Variants in GAB4 observed in about 807,000 individuals in gnomAD.
GAB4 encodes GRB2 associated binding protein family member 4.
A neutral mutation model predicts 51.3 loss-of-function variants in GAB4; 26 were observed. The ratio of observed to expected loss-of-function variants is 0.51; its 90% CI spans 0.37 to 0.70. GAB4 has a LOEUF of 0.70. Among genes scored for constraint, GAB4 ranks in the 30% least tolerant of loss-of-function variants. GAB4 has a pLI of 0.00. For synonymous variants in GAB4, 329 were observed against 291.2 expected (o/e 1.13, Z -1.32); for missense variants, 759 against 734.6 (o/e 1.03, Z -0.38).
intron 3 of GAB4, among the ~76,000 whole-genome samples, chr22:16,970,723 C>T (rs73145687): frequency 0.088 from 13,366 of 152,130 alleles, 632 homozygotes; most frequent in Non-Finnish European, 0.11. Context: ...CTAAAGTAAA[C>T]CAGCTCATGG....
intron 2 of GAB4, among the ~76,000 whole-genome samples, chr22:16,989,818 G>C (rs1477970971): frequency 4.6e-5 from 7 of 152,186 alleles, no homozygotes; most frequent in African/African-American, 1.7e-4. Flanking sequence ...TTCTGCTCTA[G>C]ACCCTCCTCA....
chr22:16,969,845 C>G, intron 4 of GAB4, 98 bp downstream of exon 4: 1 of 1,388,076 alleles, frequency 7.2e-7, no homozygotes, highest in Non-Finnish European at 1.0e-6. Context: ...GAATCTGGTG[C>G]ACTGAGAGTG....
At chr22:16,969,649 T>A (rs1488609654) in intron 4 of GAB4, 8 of 641,080 alleles carry the variant, frequency 1.2e-5, no homozygotes, top group Non-Finnish European at 1.9e-5. Context: ...GCAGGAAGGG[T>A]ATTCCGCCTG....
chr22:16,970,045 G>A lies in GAB4; in HGVS notation c.835C>T (p.His279Tyr). 6.2e-7 allele frequency: 1 copy of A among 1,614,208 alleles called. No individual in the cohort carries two copies. Among genetic ancestry groups the A allele is most frequent in the African/African-American group, 1.3e-5 (1 of 75,048 alleles). The change falls in exon 4 of 10, where the codon CAC (histidine) becomes TAC (tyrosine). Residue 279 changes from histidine to tyrosine, a missense_variant. Physicochemically the swap from His to Tyr is moderately conservative, Grantham distance 83. Transcript: ENST00000400588. ...GTGCTGCCTCTGAATTCTGCATTGTGCTGGCTGGGCTTGGAAAGGCTATGG... is the reference window on the plus strand; with the variant it reads ...GTGCTGCCTCTGAATTCTGCATTGTACTGGCTGGGCTTGGAAAGGCTATGG... ...GFHSLSKPSQHNAEFRGSTHR... is the reference protein window; with the variant it reads ...GFHSLSKPSQYNAEFRGSTHR...
intron 3 of GAB4, among the ~76,000 whole-genome samples, chr22:16,981,095 G>A (rs751051654): frequency 6.6e-5 from 10 of 151,914 alleles, no homozygotes; most frequent in Middle Eastern, 3.4e-3. Context: ...ACTATGGTGC[G>A]TGTATACCTA....
At chr22:16,977,920 T>C (rs770530119) in intron 3 of GAB4, among the ~76,000 whole-genome samples, 20 of 152,212 alleles carry the variant, frequency 1.3e-4, no homozygotes, top group Admixed American at 1.2e-3. Flanking sequence ...AACCTGTTCC[T>C]GAATTTATTT....
At chr22:16,963,573 C>A in intron 9 of GAB4, 152 bp downstream of exon 9, 1 of 634,680 alleles carries the variant, frequency 1.6e-6, no homozygotes, top group Non-Finnish European at 2.8e-6. Context: ...GCCCCGAGAT[C>A]CAGATCAGAG....
At chr22:16,969,131 A>G (rs894894303) in intron 4 of GAB4, among the ~76,000 whole-genome samples, 1 of 152,264 alleles carries the variant, frequency 6.6e-6, no homozygotes, top group African/African-American at 2.4e-5. Context: ...AAAACAAATG[A>G]GAAAAGAATC....
intron 3 of GAB4, among the ~76,000 whole-genome samples, chr22:16,982,676 A>T (rs2060836057): frequency 6.6e-6 from 1 of 152,188 alleles, no homozygotes; most frequent in Non-Finnish European, 1.5e-5. Context: ...ATGAAACCAC[A>T]CAAGAATCAG....
chr22:16,971,762 C>G (rs1283975495), intron 3 of GAB4, among the ~76,000 whole-genome samples: 2 of 152,198 alleles, frequency 1.3e-5, no homozygotes, highest in Non-Finnish European at 2.9e-5. Context: ...CTGTGGGGAG[C>G]TGTTCCTTGG....
chr22:16,963,306 T>C (rs1385231264), intron 9 of GAB4, among the ~76,000 whole-genome samples: 1 of 152,150 alleles, frequency 6.6e-6, no homozygotes, highest in Non-Finnish European at 1.5e-5. Context: ...GCTGGCTACA[T>C]GTGCTTTCTC....
At chr22:17,002,303 A>G (rs2061004123) in intron 1 of GAB4, among the ~76,000 whole-genome samples, 1 of 152,216 alleles carries the variant, frequency 6.6e-6, no homozygotes, top group Non-Finnish European at 1.5e-5. Flanking sequence ...TTCTTAAAGA[A>G]AAGAATTTTC....
intron 3 of GAB4, among the ~76,000 whole-genome samples, chr22:16,984,027 A>G (rs1295153561): frequency 1.3e-5 from 2 of 152,224 alleles, no homozygotes. Context: ...AATCTACGCA[A>G]TAGGAGAAAG....
chr22:16,984,685 G>T (rs900164696), intron 3 of GAB4, among the ~76,000 whole-genome samples: 51 of 152,346 alleles, frequency 3.3e-4, no homozygotes, highest in African/African-American at 1.2e-3. Flanking sequence ...TCTCTCCTAT[G>T]TGTGGCAGTT....
intron 3 of GAB4, among the ~76,000 whole-genome samples, chr22:16,987,137 CA>C (rs1230541208): frequency 3.3e-5 from 5 of 152,222 alleles, no homozygotes; most frequent in Non-Finnish European, 7.3e-5. Flanking sequence ...TTAACACAGC[CA>C]TTTATCTGTC....
intron 1 of GAB4, among the ~76,000 whole-genome samples, chr22:16,994,852 C>T (rs2060938616): frequency 1.3e-5 from 2 of 152,184 alleles, no homozygotes; most frequent in Non-Finnish European, 2.9e-5. Flanking sequence ...GACATCCTTG[C>T]TTTGTTCATG....
chr22:17,000,149 T>C lies in GAB4; in HGVS notation c.174+7792A>G, dbSNP rs2060985831. Among the ~76,000 whole-genome samples, 3 of 152,234 alleles carry C rather than the reference T, an allele frequency of 2.0e-5. No individual in the cohort carries two copies. The South Asian group carries it at 6.2e-4, about 31-fold the overall frequency. ...TGGGGTGGAGAGTTCTGTAGATGTC[T>C]ATTAGGTCTGCTTGGCGTAGAGCTG... is the stretch of plus-strand genomic sequence containing the variant. On this transcript the variant is annotated intron_variant, in intron 1 of 9. Coordinates refer to ENST00000400588, the MANE Select transcript of GAB4 (RefSeq NM_001037814.1).
chr22:16,963,871 C>T, intron 8 of GAB4, 42 bp from the exon 9 acceptor site: 1 of 1,501,724 alleles, frequency 6.7e-7, no homozygotes, highest in South Asian at 1.1e-5. Context: ...GAGTTCAGGA[C>T]ACAGACCCAG....
chr22:16,975,989 CA>C (rs139267828), intron 3 of GAB4, among the ~76,000 whole-genome samples: 6 of 150,656 alleles, frequency 4.0e-5, no homozygotes, highest in Non-Finnish European at 7.4e-5. Context: ...TCAACAACAA[CA>C]AAAAAAAACA....
Sources: gnomAD v4.1 joint callset for allele counts (sites outside exome capture counted in the v4.1 genomes callset) on GRCh38, gnomAD v4.1.1 for gene constraint, MANE v1.5 for transcripts, NCBI Gene and HGNC (gene_info 2026-07-23, HGNC 2026-07-21) for gene names.